The following LRP2 variants were observed in gnomAD, a reference collection of about 807,000 sequenced individuals.
LRP2 encodes the protein low-density lipoprotein receptor-related protein 2.
A neutral mutation model predicts 531.0 loss-of-function variants in LRP2; 172 were observed. The observed-to-expected ratio is 0.32, with a 90% confidence interval of 0.29 to 0.37. The LOEUF is 0.37. LRP2 is among the 10% of genes least tolerant of loss of function. LRP2 has a pLI of 1.00. For missense variants in LRP2, 5,167 were observed against 5,868.3 expected (o/e 0.88, Z 3.90); for synonymous variants, 1,992 against 2,027.6 (o/e 0.98, Z 0.47).
chr2:169,155,398 C>G (rs767244783), intron 65 of LRP2, among the ~76,000 whole-genome samples: 1 of 152,146 alleles, frequency 6.6e-6, no homozygotes, highest in African/African-American at 2.4e-5. Context: ...TGCTTTCACT[C>G]TAGTTTTCAT....
intron 65 of LRP2, among the ~76,000 whole-genome samples, chr2:169,155,489 G>A (rs752506057): frequency 3.9e-5 from 6 of 152,104 alleles, no homozygotes; most frequent in Admixed American, 2.0e-4. Context: ...TTTGTATGAA[G>A]AAATTGAACA....
chr2:169,325,251 C>A (rs566932763), intron 1 of LRP2, among the ~76,000 whole-genome samples: 1 of 152,092 alleles, frequency 6.6e-6, no homozygotes, highest in Non-Finnish European at 1.5e-5. Context: ...CCTATTTCCC[C>A]GCTAGATCCT....
intron 1 of LRP2, among the ~76,000 whole-genome samples, chr2:169,334,869 C>T (rs986155356): frequency 1.3e-5 from 2 of 152,190 alleles, no homozygotes; most frequent in African/African-American, 4.8e-5. Context: ...TGGCACAATG[C>T]CTGAAGCACA....
chr2:169,158,535 A>G (rs528653554), intron 63 of LRP2, among the ~76,000 whole-genome samples: 25 of 152,114 alleles, frequency 1.6e-4, no homozygotes, highest in Middle Eastern at 3.4e-3. Flanking sequence ...AGATGTTAAA[A>G]TATAAAAAAA....
chr2:169,131,932 C>G (rs1159327241), intron 77 of LRP2, among the ~76,000 whole-genome samples: 1 of 152,128 alleles, frequency 6.6e-6, no homozygotes, highest in East Asian at 1.9e-4. Context: ...TGAATTTCTT[C>G]CTGCAGACCA....
intron 3 of LRP2, among the ~76,000 whole-genome samples, chr2:169,310,734 T>G (rs1380216645): frequency 6.6e-6 from 1 of 152,218 alleles, no homozygotes; most frequent in East Asian, 1.9e-4. Flanking sequence ...TTAGGGAGGA[T>G]TCCCTCTTTT....
At chr2:169,328,233 G>A (rs1574262852) in intron 1 of LRP2, among the ~76,000 whole-genome samples, 1 of 113,994 alleles carries the variant, frequency 8.8e-6, no homozygotes, top group Non-Finnish European at 2.0e-5. Context: ...GTCCGGGAGG[G>A]AGGTGGGGGG....
Position 169,206,472 on chromosome 2 carries a change from A to T in LRP2, c.7248T>A (p.Asn2416Lys), listed in dbSNP as rs1028945779. Residue 2416 changes from asparagine (N) to lysine (K), a missense_variant, in exon 39 of 79, where the codon AAT becomes AAA. By Grantham distance (94) the Asn-to-Lys change is moderately conservative. Transcript: ENST00000649046. ...CTAGAGACATGACAGTTCTTTCCAC[A>T]TTTATTGTTTGGAAAGGTGGGCTAT... Reference protein sequence around the residue: ...ENHSPPFQTINVERTVMSLDY... With the variant: ...ENHSPPFQTIKVERTVMSLDY... 3 of 1,614,048 alleles carry T rather than the reference A, an allele frequency of 1.9e-6. No individual in the cohort carries two copies. Among genetic ancestry groups the T allele is most frequent in the African/African-American group, 2.7e-5 (2 of 74,914 alleles).
intron 1 of LRP2, among the ~76,000 whole-genome samples, chr2:169,347,307 G>A (rs1685720295): frequency 6.6e-6 from 1 of 152,172 alleles, no homozygotes; most frequent in Non-Finnish European, 1.5e-5. Flanking sequence ...GATACTTTGG[G>A]ACCAAGAGAC....
In LRP2 at chr2:169,152,987, C is replaced by A. The variant is rs187240928; in HGVS notation, c.12296-23G>T. On this transcript the variant is annotated intron_variant, in intron 66 of 78. Transcript: ENST00000649046. ...CACCTACAGAGGAAGACACACAGGT[C>A]AGTTTCATGTCAAGAGCATCAAGTA... 3.1e-3 allele frequency: 4,923 copies of A among 1,611,922 alleles called. 32 individuals are homozygous for A. Among genetic ancestry groups the A allele is most frequent in the South Asian group, 0.011 (966 of 90,980 alleles).
rs751485486 is a variant in LRP2 at position 169,218,669 on chromosome 2, G to A, written c.5648+1785C>T. Among the ~76,000 whole-genome samples, 21 of 152,172 alleles carry A rather than the reference G, an allele frequency of 1.4e-4. No homozygotes were observed. In the East Asian group the frequency reaches 2.7e-3, roughly 20 times the overall value. Reference sequence around the variant, plus strand: ...AAATAGGTGGACTGCATGTCCTTCCGTGCAGTTAGCTGTGGCCATGTGACC... The same window carrying A: ...AAATAGGTGGACTGCATGTCCTTCCATGCAGTTAGCTGTGGCCATGTGACC... On this transcript the variant is annotated intron_variant, in intron 34 of 78. Transcript: ENST00000649046.
chr2:169,349,427 G>C (rs1685785178), intron 1 of LRP2, among the ~76,000 whole-genome samples: 1 of 152,178 alleles, frequency 6.6e-6, no homozygotes, highest in Non-Finnish European at 1.5e-5. Flanking sequence ...ACTGTGCATG[G>C]GGAGAGGAGA....
chr2:169,129,019 A>G lies in LRP2; in HGVS notation c.13794T>C (p.Tyr4598=). 6.2e-7 allele frequency: 1 copy of G among 1,608,834 alleles called. No individual in the cohort carries two copies. The highest frequency in any genetic ancestry group is 8.5e-7 in the Non-Finnish European group (1 of 1,175,204). ...AAAAATTGTTAAAAATTACCTGTGC[A>G]TAGATTGGATTTTCAAAGTTGGTAG... ...KQTTNFENPI[Y]AQMENEQKES... Residue 4598 remains tyrosine (Y), a synonymous_variant, in exon 78 of 79, where the codon TAT becomes TAC. Transcript: ENST00000649046.
At chr2:169,194,172 A>C (rs1325081875) in intron 46 of LRP2, among the ~76,000 whole-genome samples, 1 of 152,222 alleles carries the variant, frequency 6.6e-6, no homozygotes, top group Non-Finnish European at 1.5e-5. Context: ...TTCTTTTCCC[A>C]GGAAAGATAT....
intron 16 of LRP2, among the ~76,000 whole-genome samples, chr2:169,270,338 A>G (rs1683372159): frequency 6.6e-6 from 1 of 152,184 alleles, no homozygotes; most frequent in Non-Finnish European, 1.5e-5. Context: ...TCACAACAGC[A>G]AAAACTTGGA....
intron 4 of LRP2, among the ~76,000 whole-genome samples, chr2:169,304,865 C>T (rs1684373054): frequency 6.6e-6 from 1 of 152,040 alleles, no homozygotes; most frequent in Non-Finnish European, 1.5e-5. Context: ...ATATATGCAC[C>T]ATGGAATACT....
intron 55 of LRP2, among the ~76,000 whole-genome samples, chr2:169,174,467 T>A (rs1036548144): frequency 1.3e-5 from 2 of 152,228 alleles, no homozygotes; most frequent in African/African-American, 4.8e-5. Context: ...TCAAACTTTG[T>A]GTTTGTTACT....
At chr2:169,212,360 A>T (rs1688624924) in intron 36 of LRP2, among the ~76,000 whole-genome samples, 153 bp from the exon 37 acceptor site, 1 of 152,194 alleles carries the variant, frequency 6.6e-6, no homozygotes, top group South Asian at 2.1e-4. Context: ...AACATCGGAG[A>T]GACTAGAGCT....
Position 169,138,645 on chromosome 2 carries a change from C to G in LRP2, c.13450G>C (p.Asp4484His). Reference protein sequence around the residue: ...GNGVTFRSGADLNMDIGVSGF... With the variant: ...GNGVTFRSGAHLNMDIGVSGF... ...GACACTCCAATATCCATGTTAAGAT[C>G]TGCCCCTGATCTGAAGGTCACCCCA... Residue 4484 changes from aspartate (D) to histidine (H), a missense_variant, in exon 75 of 79, where the codon GAT becomes CAT. Asp to His is a moderately conservative substitution (Grantham distance 81, BLOSUM62 -1). Transcript: ENST00000649046. 6.2e-7 allele frequency: 1 copy of G among 1,614,118 alleles called. No homozygotes were observed. Among genetic ancestry groups the G allele is most frequent in the Non-Finnish European group, 8.5e-7 (1 of 1,179,974 alleles).
Sources: gnomAD v4.1 joint callset for allele counts (sites outside exome capture counted in the v4.1 genomes callset) on GRCh38, gnomAD v4.1.1 for gene constraint, MANE v1.5 for transcripts, NCBI Gene and HGNC (gene_info 2026-07-23, HGNC 2026-07-21) for gene names.